LPCAT3: variants seen among roughly 807,000 people sequenced by gnomAD.
LPCAT3 encodes the protein lysophospholipid acyltransferase 5.
Under a neutral mutation model 63.4 loss-of-function variants are expected in LPCAT3, and 21 were observed. That is an observed-to-expected ratio of 0.33 (90% confidence interval 0.23 to 0.48). LPCAT3 has a LOEUF of 0.48. Ranked by LOEUF, LPCAT3 falls within the 20% of genes least tolerant of loss-of-function variation. The probability of loss-of-function intolerance (pLI) is 0.99; values close to 1 mark genes in which losing one functional copy is unlikely to be tolerated. For synonymous variants in LPCAT3, 242 were observed against 227.5 expected (o/e 1.06, Z -0.58); for missense variants, 451 against 590.6 (o/e 0.76, Z 2.45).
Position 6,978,707 on chromosome 12 carries a change from C to T in LPCAT3, c.787-18G>A. ...GGGTGGTTCTTGAGGGAAGAAAGCA[C>T]AGTGCATTAGGGATATCACATGACT... On this transcript the variant is annotated intron_variant, in intron 7 of 12. Coordinates refer to ENST00000261407, the MANE Select transcript of LPCAT3 (RefSeq NM_005768.6). 1 of 1,613,822 alleles carries T rather than the reference C, an allele frequency of 6.2e-7. No homozygotes were observed. The highest frequency in any genetic ancestry group is 8.5e-7 in the Non-Finnish European group (1 of 1,179,836).
At chr12:6,996,203 G>A (rs1161889276) in intron 1 of LPCAT3, among the ~76,000 whole-genome samples, 3 of 152,208 alleles carry the variant, frequency 2.0e-5, no homozygotes, top group African/African-American at 7.2e-5. Context: ...ATGTTAAGCA[G>A]GTCCAGCCTT....
chr12:7,007,953 A>G (rs782132828), intron 1 of LPCAT3, among the ~76,000 whole-genome samples: 4 of 152,312 alleles, frequency 2.6e-5, no homozygotes, highest in Non-Finnish European at 4.4e-5. Flanking sequence ...TTATAATGCA[A>G]TGACATTTCT....
Position 6,997,674 on chromosome 12 carries a change from C to T in LPCAT3, c.152-14135G>A, listed in dbSNP as rs190899478. Among the ~76,000 whole-genome samples, 9 of 151,484 alleles carry T rather than the reference C, an allele frequency of 5.9e-5. No homozygotes were observed. The East Asian group carries it at 7.8e-4, about 13-fold the overall frequency. On this transcript the variant is annotated intron_variant, in intron 1 of 12. Coordinates refer to ENST00000261407, the MANE Select transcript of LPCAT3 (RefSeq NM_005768.6). ...TGATCTCGGCTCACCGTAACCTCTG[C>T]CTCCTGGGTTCAAGTGATTCTCCTG...
At chr12:7,008,551 C>T (rs782239990) in intron 1 of LPCAT3, among the ~76,000 whole-genome samples, 21 of 152,090 alleles carry the variant, frequency 1.4e-4, no homozygotes, top group African/African-American at 4.8e-4. Flanking sequence ...GTGGTTGATG[C>T]AACACAAAAA....
chr12:6,991,691 G>A (rs782475853), intron 1 of LPCAT3, among the ~76,000 whole-genome samples: 2 of 152,320 alleles, frequency 1.3e-5, no homozygotes, highest in African/African-American at 4.8e-5. Context: ...ACAGTTTCAA[G>A]AGACTGTCTG....
In LPCAT3 at chr12:6,978,393, A is replaced by G. The variant is rs1565596679; in HGVS notation, c.988T>C (p.Phe330Leu). Residue 330 changes from phenylalanine (F) to leucine (L), a missense_variant, in exon 9 of 13, where the codon TTC (phenylalanine) becomes CTC (leucine). Coordinates refer to ENST00000261407, the MANE Select transcript of LPCAT3 (RefSeq NM_005768.6). ...KVWLFETNPR[F>L]TGTIASFNIN... ...TTGAATGAGGCAATGGTGCCAGTGA[A>G]GCGGGGGTTTGTTTCAAAGAGCCAC... is the stretch of plus-strand genomic sequence containing the variant. The G allele has an allele frequency of 6.2e-7, 1 of 1,613,540 alleles. No individual in the cohort carries two copies. The highest frequency in any genetic ancestry group is 1.3e-5 in the African/African-American group (1 of 74,760).
At position 6,981,070 on chromosome 12, in the gene LPCAT3, G is replaced by A. The variant is rs782672963; in HGVS notation, c.611C>T (p.Ser204Leu). 6.2e-7 allele frequency: 1 copy of A among 1,613,478 alleles called. No homozygotes were observed. Among genetic ancestry groups the A allele is most frequent in the South Asian group, 1.1e-5 (1 of 90,948 alleles). ...YGAFLVGPQF[S>L]MNHYMKLVQG... ...CACCAGCTTCATGTAGTGATTCATT[G>A]AGAACTGGGGCCCTACCAAGAAGGC... The change falls in exon 6 of 13, where the codon TCA becomes TTA. Residue 204 changes from serine (S) to leucine (L), a missense_variant. By Grantham distance (145) the Ser-to-Leu change is moderately radical. Around this residue, in one of 3 missense-constraint regions of LPCAT3, gnomAD observed 304 missense variants for 390.8 expected, o/e 0.78. Coordinates refer to ENST00000261407, the MANE Select transcript of LPCAT3 (RefSeq NM_005768.6).
intron 1 of LPCAT3, chr12:6,988,233 CAT>C (rs1946547742): frequency 6.3e-6 from 1 of 159,436 alleles, no homozygotes; most frequent in South Asian, 2.1e-4. Context: ...CTAGCAAACA[CAT>C]GAGAAGAAGG....
chr12:6,977,835 T>G lies in LPCAT3; in HGVS notation c.1041-90A>C, dbSNP rs375390324. The G allele has an allele frequency of 9.9e-6, 15 of 1,513,644 alleles. No homozygotes were observed. Among genetic ancestry groups the G allele is most frequent in the East Asian group, 9.0e-5 (4 of 44,386 alleles). The allele number at this position is 1,513,644 out of a possible 1,614,324, so 93.8% of individuals were successfully genotyped here. A position where few individuals can be genotyped will look rare whatever the true frequency, so the allele number is the denominator to read the frequency against. ...CTGGGTCCTCACCCTGAGGATTGGA[T>G]TGGAGTGCTGGTGGGTTCCCACGTG... On this transcript the variant is annotated intron_variant, in intron 9 of 12. Transcript: ENST00000261407. This position sits in a 1 kb window ranked among gnomAD's most constrained non-coding sequence, Gnocchi z 4.5.
chr12:6,979,569 C>T lies in LPCAT3; in HGVS notation c.688G>A (p.Ala230Thr), dbSNP rs1555153799. Residue 230 changes from alanine to threonine, a missense_variant, in exon 7 of 13, where the codon GCT becomes ACT. Coordinates refer to ENST00000261407, the MANE Select transcript of LPCAT3 (RefSeq NM_005768.6). The part of the protein sequence containing the change: ...PGKIPNSIIP[A>T]LKRLSLGLFY... ...AGGCCCAGACTCAGGCGCTTGAGAGCAGGAATGATGCTGGAAAGGAACGAG... is the reference window on the plus strand; with the variant it reads ...AGGCCCAGACTCAGGCGCTTGAGAGTAGGAATGATGCTGGAAAGGAACGAG... 6.2e-7 allele frequency: 1 copy of T among 1,612,340 alleles called. No homozygotes were observed. The highest frequency in any genetic ancestry group is 2.2e-5 in the East Asian group (1 of 44,892).
chr12:6,981,481 C>T (rs1189195613), intron 5 of LPCAT3, 114 bp downstream of exon 5: 1 of 1,040,750 alleles, frequency 9.6e-7, no homozygotes, highest in Non-Finnish European at 1.5e-6. Flanking sequence ...ATTGCACAGG[C>T]TGGGGAATGA....
At chr12:7,004,335 C>G (rs781850628) in intron 1 of LPCAT3, among the ~76,000 whole-genome samples, 1 of 152,094 alleles carries the variant, frequency 6.6e-6, no homozygotes, top group South Asian at 2.1e-4. Context: ...TTTTGGGGAC[C>G]TTTCTTTAAG....
At chr12:6,983,932 G>A (rs1946497619) in intron 1 of LPCAT3, among the ~76,000 whole-genome samples, 1 of 152,058 alleles carries the variant, frequency 6.6e-6, no homozygotes, top group Non-Finnish European at 1.5e-5. Flanking sequence ...TGCTTGAGCC[G>A]AGGAGTTCGA....
At chr12:7,002,488 CTT>C (rs770411407) in intron 1 of LPCAT3, among the ~76,000 whole-genome samples, 33 of 151,844 alleles carry the variant, frequency 2.2e-4, no homozygotes, top group Non-Finnish European at 4.0e-4. Flanking sequence ...AGTAATTTCT[CTT>C]GTCTTTAGAG....
chr12:6,981,093 G>T lies in LPCAT3; in HGVS notation c.588C>A (p.Ala196=), dbSNP rs1555153999. Residue 196 remains alanine (A), a synonymous_variant, in exon 6 of 13, where the codon GCC becomes GCA. Transcript: ENST00000261407. ...TTGAGAACTGGGGCCCTACCAAGAA[G>T]GCCCCATAGAAGTAGGAGAAACCAG... ...EVAGFSYFYG[A]FLVGPQFSMN... is the part of the protein sequence containing the mutation. 1 of 1,614,014 alleles carries T rather than the reference G, an allele frequency of 6.2e-7. No homozygotes were observed.
intron 1 of LPCAT3, among the ~76,000 whole-genome samples, chr12:6,990,778 A>G (rs1301941521): frequency 2.0e-5 from 3 of 150,212 alleles, no homozygotes; most frequent in South Asian, 4.2e-4. Context: ...CCAGCCAGAC[A>G]TGGTGGCAGG....
At chr12:6,983,152 C>T (rs974781454) in intron 2 of LPCAT3, 6 of 469,178 alleles carry the variant, frequency 1.3e-5, no homozygotes, top group African/African-American at 6.0e-5. Flanking sequence ...CTGCTTGGCT[C>T]GGTCATTCAG....
intron 1 of LPCAT3, among the ~76,000 whole-genome samples, chr12:7,002,223 C>CTT (rs1465011592): frequency 2.6e-5 from 4 of 152,148 alleles, no homozygotes; most frequent in African/African-American, 9.7e-5. Context: ...TGTTCTTACC[C>CTT]TTATATACAC....
Position 6,977,950 on chromosome 12 carries a change from A to G in LPCAT3, c.1041-205T>C. On this transcript the variant is annotated intron_variant, in intron 9 of 12. Transcript: ENST00000261407. The surrounding 1 kb of genome is among the most constrained non-coding windows in gnomAD (Gnocchi z 4.5). ...AGGCGGAGCTGGAGACCGTGTGCGC[A>G]CGAGCCACTTGGTTCAGCAGCAGTG... 3.3e-6 allele frequency: 2 copies of G among 603,588 alleles called. No individual in the cohort carries two copies. Among genetic ancestry groups the G allele is most frequent in the South Asian group, 3.9e-5 (2 of 51,018 alleles). The allele number at this position is 603,588 out of a possible 1,614,324, so 37.4% of individuals were successfully genotyped here. A position where few individuals can be genotyped will look rare whatever the true frequency, so the allele number is the denominator to read the frequency against.
Sources: gnomAD v4.1 joint callset for allele counts (sites outside exome capture counted in the v4.1 genomes callset) on GRCh38, gnomAD v4.1.1 for gene constraint, gnomAD v4.1.1 regional missense constraint, Gnocchi (gnomAD v3.1) non-coding constraint, MANE v1.5 for transcripts, NCBI Gene and HGNC (gene_info 2026-07-23, HGNC 2026-07-21) for gene names.